Variants in CNTN4 observed in about 807,000 individuals in gnomAD.
The protein encoded by CNTN4 is contactin-4.
CNTN4 carries 77 observed loss-of-function variants against 122.5 expected under a neutral mutation model. That is an observed-to-expected ratio of 0.63 (90% CI 0.52 to 0.76). The LOEUF (loss-of-function observed/expected upper bound fraction) is 0.76, where lower values mean the gene tolerates loss of function less well. Among genes scored for constraint, CNTN4 ranks in the 30% least tolerant of loss-of-function variants. CNTN4 has a pLI of 0.00. For missense variants in CNTN4, 1,256 were observed against 1,259.1 expected, an observed-to-expected ratio of 1.00 and a Z score of 0.04; for synonymous variants, 512 against 447.0, an observed-to-expected ratio of 1.15 and a Z score of -1.83.
chr3:2,793,423 T>C (rs1008769202), intron 6 of CNTN4, among the ~76,000 whole-genome samples: 2 of 152,090 alleles, frequency 1.3e-5, no homozygotes, highest in African/African-American at 4.8e-5. Flanking sequence ...CCACAACCAC[T>C]TGGTTTATTT....
intron 10 of CNTN4, among the ~76,000 whole-genome samples, chr3:2,899,109 G>T (rs114798672): frequency 6.6e-6 from 1 of 152,134 alleles, no homozygotes; most frequent in Non-Finnish European, 1.5e-5. Flanking sequence ...TGTTTTGCTC[G>T]TTGAAAAACA....
intron 3 of CNTN4, among the ~76,000 whole-genome samples, chr3:2,506,287 C>A (rs182741042): frequency 6.6e-6 from 1 of 152,304 alleles, no homozygotes; most frequent in South Asian, 2.1e-4. Flanking sequence ...AGCGCCTACA[C>A]GCCCTGGAGC....
At chr3:2,536,907 G>C (rs982032807) in intron 3 of CNTN4, among the ~76,000 whole-genome samples, 9 of 152,004 alleles carry the variant, frequency 5.9e-5, no homozygotes, top group African/African-American at 2.2e-4. Context: ...TTTGGTGCTC[G>C]ATCATTGTGA....
chr3:2,978,981 A>G (rs756379353), intron 13 of CNTN4, among the ~76,000 whole-genome samples: 4 of 152,180 alleles, frequency 2.6e-5, no homozygotes, highest in Non-Finnish European at 5.9e-5. Flanking sequence ...AGAAATACAG[A>G]TGTCCTGCCT....
At position 2,836,111 on chromosome 3, in the gene CNTN4, G is replaced by A. The variant is rs146450915; in HGVS notation, c.454+16530G>A. Among the ~76,000 whole-genome samples, 309 of 151,912 alleles carry A rather than the reference G, an allele frequency of 2.0e-3. 1 individual carries two copies. Among genetic ancestry groups the A allele is most frequent in the African/African-American group, 7.0e-3 (289 of 41,474 alleles). Reference sequence around the variant, plus strand: ...CAACTCTATGATCATTTAAACATCCGGATGAAATGAATTATCTATTAAGAA... The same window carrying A: ...CAACTCTATGATCATTTAAACATCCAGATGAAATGAATTATCTATTAAGAA... On this transcript the variant is annotated intron_variant, in intron 7 of 24. Transcript: ENST00000418658.
chr3:2,439,174 T>C (rs921361617), intron 3 of CNTN4, among the ~76,000 whole-genome samples: 1 of 152,194 alleles, frequency 6.6e-6, no homozygotes, highest in Non-Finnish European at 1.5e-5. Context: ...TATTAGAGCA[T>C]TAGGACATTA....
rs146797401 is a variant in CNTN4, at chr3:2,982,914, A to C, written c.1359-5431A>C. Among the ~76,000 whole-genome samples the C allele has an allele frequency of 4.8e-3, 615 of 128,874 alleles. 5 individuals are homozygous for C. The highest frequency in any genetic ancestry group is 0.015 in the African/African-American group (577 of 39,504). 84.5% of individuals were successfully genotyped at this position (128,874 alleles called of 152,430 possible). On this transcript the variant is annotated intron_variant, in intron 13 of 24. Transcript: ENST00000418658. ...CAAAAACAATAATTTTCACATCACT[A>C]AAAAAAATAGCACAAAGCTTGCCGG...
intron 3 of CNTN4, among the ~76,000 whole-genome samples, chr3:2,453,242 A>C (rs1252321298): frequency 6.6e-6 from 1 of 152,048 alleles, no homozygotes; most frequent in Non-Finnish European, 1.5e-5. Flanking sequence ...TATAGAATCA[A>C]AAAAAATGTC....
At chr3:2,620,213 A>G (rs915335993) in intron 4 of CNTN4, among the ~76,000 whole-genome samples, 1 of 152,198 alleles carries the variant, frequency 6.6e-6, no homozygotes, top group African/African-American at 2.4e-5. Context: ...TAAGATAGGC[A>G]TTCAGGCTGG....
intron 3 of CNTN4, among the ~76,000 whole-genome samples, chr3:2,568,499 C>T (rs540020524): frequency 6.6e-6 from 1 of 152,066 alleles, no homozygotes; most frequent in Non-Finnish European, 1.5e-5. Context: ...TTGCTACAGC[C>T]ACTGTTGGAT....
intron 13 of CNTN4, among the ~76,000 whole-genome samples, chr3:2,936,944 G>A (rs1170798103): frequency 6.6e-6 from 1 of 152,108 alleles, no homozygotes; most frequent in Non-Finnish European, 1.5e-5. Flanking sequence ...CTTTTACACT[G>A]CAAGGGCAAG....
intron 3 of CNTN4, among the ~76,000 whole-genome samples, chr3:2,407,714 A>G (rs1199294715): frequency 6.6e-6 from 1 of 152,182 alleles, no homozygotes; most frequent in Non-Finnish European, 1.5e-5. Context: ...AAATGCGTCA[A>G]AATGTCGTAT....
At chr3:2,402,984 G>A (rs577591486) in intron 3 of CNTN4, among the ~76,000 whole-genome samples, 222 of 152,092 alleles carry the variant, frequency 1.5e-3, no homozygotes, top group Admixed American at 3.0e-3. Flanking sequence ...TTGTCTTATC[G>A]TTCTGGAGGC....
At chr3:2,367,278 T>C (rs2045428508) in intron 3 of CNTN4, among the ~76,000 whole-genome samples, 1 of 152,208 alleles carries the variant, frequency 6.6e-6, no homozygotes, top group Admixed American at 6.5e-5. Context: ...AGACTTGCAA[T>C]ATATATAAGT....
chr3:2,165,100 A>G lies in CNTN4; in HGVS notation c.-145+64461A>G, dbSNP rs536906543. Among the ~76,000 whole-genome samples the G allele has an allele frequency of 4.6e-5, 7 of 152,226 alleles. No individual in the cohort carries two copies. The South Asian group carries it at 1.2e-3, about 27-fold the overall frequency. On this transcript the variant is annotated intron_variant, in intron 2 of 24. Transcript: ENST00000418658. ...CACTTTGGGAGGCTGAAGCAGGTGG[A>G]TCATCTGAGGTCAGGAGGTCGAGAC...
At chr3:2,668,653 G>A (rs2084315488) in intron 4 of CNTN4, among the ~76,000 whole-genome samples, 1 of 152,130 alleles carries the variant, frequency 6.6e-6, no homozygotes, top group Non-Finnish European at 1.5e-5. Context: ...GTGAGAGAGG[G>A]CATCCCTGTC....
chr3:2,556,319 A>G (rs960412292), intron 3 of CNTN4, among the ~76,000 whole-genome samples: 9 of 152,196 alleles, frequency 5.9e-5, no homozygotes, highest in South Asian at 2.1e-4. Context: ...TGGTCGGCAT[A>G]TGAATATACA....
At position 3,034,666 on chromosome 3, in the gene CNTN4, C is replaced by T. The variant is rs185066001; in HGVS notation, c.1818C>T (p.Asp606=). 116 of 1,614,120 alleles carry T rather than the reference C, an allele frequency of 7.2e-5. No homozygotes were observed. The East Asian group carries it at 1.9e-3, about 26-fold the overall frequency. Residue 606 remains aspartate, a synonymous_variant, in exon 17 of 25, where the codon GAC becomes GAT. Transcript: ENST00000418658. Reference sequence around the variant, plus strand: ...GTCCCCCAGAGGCTGTGACAATAGACGAAATCACAGATACCACTGCTCAGC... The same window carrying T: ...GTCCCCCAGAGGCTGTGACAATAGATGAAATCACAGATACCACTGCTCAGC... ...PPGPPEAVTI[D]EITDTTAQLS...
intron 3 of CNTN4, among the ~76,000 whole-genome samples, chr3:2,394,151 G>A (rs545907798): frequency 8.0e-5 from 12 of 149,540 alleles, no homozygotes; most frequent in South Asian, 2.1e-4. Flanking sequence ...AGAGTGTGTC[G>A]TTTAAAAAGG....
Sources: gnomAD v4.1 joint callset for allele counts (sites outside exome capture counted in the v4.1 genomes callset) on GRCh38, gnomAD v4.1.1 for gene constraint, MANE v1.5 for transcripts, NCBI Gene and HGNC (gene_info 2026-07-23, HGNC 2026-07-21) for gene names.